PTPRK: variants seen among roughly 807,000 people sequenced by gnomAD.
The protein encoded by PTPRK is protein tyrosine phosphatase receptor type K.
Under a neutral mutation model 178.0 loss-of-function variants are expected in PTPRK, and 75 were observed. The ratio of observed to expected loss-of-function variants is 0.42; its 90% CI spans 0.35 to 0.51. The LOEUF is 0.51. Among genes scored for constraint, PTPRK ranks in the 20% least tolerant of loss-of-function variants. The pLI is 0.02. For missense variants in PTPRK, 1,441 were observed against 1,797.8 expected, an observed-to-expected ratio of 0.80 and a Z score of 3.59; for synonymous variants, 637 against 620.6, an observed-to-expected ratio of 1.03 and a Z score of -0.39.
At chr6:128,030,809 T>C (rs550562708) in intron 13 of PTPRK, among the ~76,000 whole-genome samples, 1 of 152,288 alleles carries the variant, frequency 6.6e-6, no homozygotes, top group Admixed American at 6.5e-5. Flanking sequence ...GACATAAAAA[T>C]AATTCCCCTC....
intron 1 of PTPRK, among the ~76,000 whole-genome samples, chr6:128,406,810 T>C (rs1380768028): frequency 6.6e-6 from 1 of 152,192 alleles, no homozygotes; most frequent in Non-Finnish European, 1.5e-5. Context: ...CCTCCCTCAG[T>C]TGAGTGCATA....
chr6:128,002,180 A>G (rs1777904422), intron 15 of PTPRK, among the ~76,000 whole-genome samples: 1 of 151,740 alleles, frequency 6.6e-6, no homozygotes, highest in East Asian at 1.9e-4. Flanking sequence ...TATATTTTAC[A>G]TAACTGAGTT....
intron 1 of PTPRK, among the ~76,000 whole-genome samples, chr6:128,446,514 A>T (rs891596554): frequency 3.9e-5 from 6 of 152,174 alleles, no homozygotes; most frequent in Non-Finnish European, 5.9e-5. Context: ...CTAATTTTTT[A>T]AAAATTCTTT....
At chr6:128,307,161 AT>A (rs1290733155) in intron 3 of PTPRK, among the ~76,000 whole-genome samples, 4,675 of 79,458 alleles carry the variant, frequency 0.059, 238 homozygotes, top group African/African-American at 0.23. Context: ...AGAAAAAAAA[AT>A]ATATATATAT....
rs565382384 is a variant in PTPRK, at chr6:128,467,095, C to A, written c.100+53164G>T. ...ACAGCTCACTGCAGAGCATTGACAT[C>A]CCAGGGTGATCCGCCCACCTCAGTC... On this transcript the variant is annotated intron_variant, in intron 1 of 29. Coordinates refer to ENST00000368226, the MANE Select transcript of PTPRK (RefSeq NM_002844.4). Among the ~76,000 whole-genome samples the A allele has an allele frequency of 7.2e-5, 11 of 152,190 alleles. No homozygotes were observed. In the South Asian group the frequency reaches 2.1e-3, roughly 29 times the overall value.
Position 128,313,838 on chromosome 6 carries a change from G to A in PTPRK, c.495+8201C>T, listed in dbSNP as rs1006855147. Among the ~76,000 whole-genome samples, 4 of 152,176 alleles carry A rather than the reference G, an allele frequency of 2.6e-5. No individual in the cohort carries two copies. The East Asian group carries it at 7.7e-4, about 29-fold the overall frequency. On this transcript the variant is annotated intron_variant, in intron 3 of 29. Transcript: ENST00000368226. ...AGAGCTGTGAGTAAACAGTAAAAAA[G>A]ACTAAAGAAAAATATAAATGGGAAG...
intron 6 of PTPRK, among the ~76,000 whole-genome samples, chr6:128,203,420 C>T (rs1806324507): frequency 6.6e-6 from 1 of 152,166 alleles, no homozygotes; most frequent in Admixed American, 6.5e-5. Flanking sequence ...ATTGAAAGTT[C>T]TGGCCAGGGC....
chr6:128,099,076 AT>A (rs1455880169), intron 7 of PTPRK, among the ~76,000 whole-genome samples: 1 of 151,860 alleles, frequency 6.6e-6, no homozygotes, highest in Non-Finnish European at 1.5e-5. Context: ...CATTGATTAA[AT>A]TTAACTTTTT....
At chr6:128,368,506 TC>T (rs1835834847) in intron 2 of PTPRK, among the ~76,000 whole-genome samples, 1 of 152,086 alleles carries the variant, frequency 6.6e-6, no homozygotes, top group Admixed American at 6.6e-5. Flanking sequence ...ATCCTAATTT[TC>T]CCCCAATGAA....
chr6:128,399,729 A>G (rs72974042), intron 1 of PTPRK, among the ~76,000 whole-genome samples: 5,340 of 152,290 alleles, frequency 0.035, 150 homozygotes, highest in Non-Finnish European at 0.049. Flanking sequence ...ACTCATTTGA[A>G]AGACAAATGG....
At chr6:128,193,582 C>T (rs1026587293) in intron 6 of PTPRK, among the ~76,000 whole-genome samples, 1 of 152,028 alleles carries the variant, frequency 6.6e-6, no homozygotes, top group Non-Finnish European at 1.5e-5. Context: ...TTTTGTCTCT[C>T]AAGTCCCCAT....
chr6:128,244,141 C>A (rs1421234934), intron 3 of PTPRK, among the ~76,000 whole-genome samples: 1 of 151,900 alleles, frequency 6.6e-6, no homozygotes, highest in East Asian at 1.9e-4. Flanking sequence ...GAAAAGGAAA[C>A]AAATTGAGGG....
intron 7 of PTPRK, among the ~76,000 whole-genome samples, chr6:128,151,552 A>T (rs1477041225): frequency 6.6e-6 from 1 of 152,002 alleles, no homozygotes; most frequent in Non-Finnish European, 1.5e-5. Flanking sequence ...CAGATCAGAT[A>T]GTTATTTAAA....
At chr6:128,388,524 T>C (rs1839098715) in intron 2 of PTPRK, among the ~76,000 whole-genome samples, 1 of 152,198 alleles carries the variant, frequency 6.6e-6, no homozygotes, top group African/African-American at 2.4e-5. Context: ...AGATACAACT[T>C]CTGCCACACC....
At chr6:128,181,548 A>G (rs1801907576) in intron 7 of PTPRK, among the ~76,000 whole-genome samples, 1 of 152,096 alleles carries the variant, frequency 6.6e-6, no homozygotes, top group Middle Eastern at 3.2e-3. Context: ...GCAGAATTTA[A>G]CAAAATTAGA....
chr6:128,277,574 C>T (rs1331239707), intron 3 of PTPRK, among the ~76,000 whole-genome samples: 1 of 152,120 alleles, frequency 6.6e-6, no homozygotes, highest in African/African-American at 2.4e-5. Flanking sequence ...AATACAGAGG[C>T]AGATTCTGAA....
At chr6:128,360,040 A>G (rs1349025292) in intron 2 of PTPRK, among the ~76,000 whole-genome samples, 1 of 152,110 alleles carries the variant, frequency 6.6e-6, no homozygotes, top group Non-Finnish European at 1.5e-5. Flanking sequence ...CAAAATAAAA[A>G]CTAGTTATCT....
intron 15 of PTPRK, among the ~76,000 whole-genome samples, chr6:128,002,117 T>C (rs1777898256): frequency 6.6e-6 from 1 of 151,370 alleles, no homozygotes; most frequent in Non-Finnish European, 1.5e-5. Flanking sequence ...TATATATCCT[T>C]TATAGTAATT....
At chr6:128,433,100 TATC>T (rs1388824164) in intron 1 of PTPRK, among the ~76,000 whole-genome samples, 3 of 152,210 alleles carry the variant, frequency 2.0e-5, no homozygotes, top group Non-Finnish European at 4.4e-5. Context: ...CTCAAATATT[TATC>T]ATTTATTTGT....
Sources: allele counts gnomAD v4.1 joint callset (sites outside exome capture counted in the v4.1 genomes callset), GRCh38; gene constraint gnomAD v4.1.1; transcripts MANE v1.5; gene names NCBI Gene and HGNC (gene_info 2026-07-23, HGNC 2026-07-21).